The following CERS3 variants were observed in gnomAD, a reference collection of about 807,000 sequenced individuals.
CERS3 encodes ceramide synthase 3, also known as LAG1 homolog, ceramide synthase 3.
In CERS3, 33 loss-of-function variants were observed where a neutral mutation model predicts 50.3. The observed-to-expected ratio is 0.66, with a 90% CI of 0.50 to 0.88. The LOEUF is 0.88. CERS3 is among the 40% of genes least tolerant of loss of function. CERS3 has a pLI of 0.00. For missense variants in CERS3, 470 were observed against 460.3 expected (o/e 1.02, Z -0.19); for synonymous variants, 176 against 155.2 (o/e 1.13, Z -0.99).
chr15:100,468,332 AAGTGTGG>A (rs1398441079), intron 10 of CERS3, among the ~76,000 whole-genome samples: 1 of 152,184 alleles, frequency 6.6e-6, no homozygotes, highest in Non-Finnish European at 1.5e-5. Context: ...CAAAGGTCGT[AAGTGTGG>A]AGTCAGGATT....
At chr15:100,434,271 G>A (rs1163574779) in intron 11 of CERS3, among the ~76,000 whole-genome samples, 2 of 152,240 alleles carry the variant, frequency 1.3e-5, no homozygotes, top group Non-Finnish European at 2.9e-5. Flanking sequence ...CACGCGAAGA[G>A]TGCGTGCCCA....
chr15:100,470,732 G>A (rs1053109869), intron 9 of CERS3, among the ~76,000 whole-genome samples: 2 of 152,190 alleles, frequency 1.3e-5, no homozygotes, highest in Admixed American at 1.3e-4. Context: ...TATCAGTCAG[G>A]ATATTGGGTC....
intron 11 of CERS3, among the ~76,000 whole-genome samples, chr15:100,453,101 T>C (rs2142188887): frequency 8.5e-6 from 1 of 118,230 alleles, no homozygotes; most frequent in South Asian, 2.7e-4. Context: ...CTCCTTAAAC[T>C]ATTCAAAAAA....
intron 10 of CERS3, among the ~76,000 whole-genome samples, chr15:100,461,483 T>C (rs1370981248): frequency 6.6e-6 from 1 of 152,188 alleles, no homozygotes; most frequent in Non-Finnish European, 1.5e-5. Flanking sequence ...TGGGCTTCAG[T>C]TTCTTTTGTA....
intron 11 of CERS3, among the ~76,000 whole-genome samples, chr15:100,435,631 A>G (rs2033365684): frequency 6.6e-6 from 1 of 152,244 alleles, no homozygotes; most frequent in Non-Finnish European, 1.5e-5. Flanking sequence ...ATGGGATCTA[A>G]TTAAACTAAA....
At position 100,501,694 on chromosome 15, in the gene CERS3, G is replaced by A. The variant is rs761185355; in HGVS notation, c.156C>T (p.Ile52=). The change falls in exon 3 of 12, where the codon ATC becomes ATT. Residue 52 remains isoleucine (I), a synonymous_variant. Transcript: ENST00000679737. ...CTACTTACTTTTCAAATACACGTCTGATAATCAGCAAGAGAAAAGCATATG... is the reference window on the plus strand; with the variant it reads ...CTACTTACTTTTCAAATACACGTCTAATAATCAGCAAGAGAAAAGCATATG... ...TIPYAFLLLI[I]RRVFEKFVAS... is the part of the protein sequence containing the mutation. 1.1e-5 allele frequency: 17 copies of A among 1,613,156 alleles called. No homozygotes were observed. The highest frequency in any genetic ancestry group is 1.6e-4 in the Middle Eastern group (1 of 6,076).
At chr15:100,469,592 G>T in intron 9 of CERS3, 108 bp from the exon 10 acceptor site, 1 of 766,088 alleles carries the variant, frequency 1.3e-6, no homozygotes, top group South Asian at 1.8e-5. Context: ...AAAACAATCT[G>T]GGTGGAAAGT....
intron 11 of CERS3, among the ~76,000 whole-genome samples, chr15:100,422,695 A>G (rs1338089459): frequency 4.5e-5 from 4 of 88,182 alleles, no homozygotes; most frequent in Admixed American, 1.3e-4. Context: ...CAAATGTCCA[A>G]CAATGATAGA....
intron 11 of CERS3, among the ~76,000 whole-genome samples, chr15:100,419,048 A>G (rs1296993593): frequency 1.6e-5 from 2 of 125,778 alleles, no homozygotes; most frequent in Non-Finnish European, 3.4e-5. Context: ...ACCAGCTAAC[A>G]TCATAATGAC....
intron 2 of CERS3, among the ~76,000 whole-genome samples, chr15:100,518,847 A>G (rs1362307848): frequency 6.6e-6 from 1 of 152,130 alleles, no homozygotes; most frequent in African/African-American, 2.4e-5. Context: ...TTTCTGTAAG[A>G]CTTATTGGAT....
At chr15:100,417,106 G>A (rs12902994) in intron 11 of CERS3, among the ~76,000 whole-genome samples, 85,182 of 151,438 alleles carry the variant, frequency 0.56, 24,172 homozygotes, top group Non-Finnish European at 0.6. Flanking sequence ...GAACAGCTCT[G>A]GTCTACAGCT....
At chr15:100,451,714 A>G (rs533834452) in intron 11 of CERS3, among the ~76,000 whole-genome samples, 44 of 147,988 alleles carry the variant, frequency 3.0e-4, no homozygotes, top group Admixed American at 8.1e-4. Context: ...CTCAAAAAAA[A>G]CAAAAAACAA....
At chr15:100,497,882 CACACACACACACACT>C (rs1282581146) in intron 3 of CERS3, among the ~76,000 whole-genome samples, 7 of 83,508 alleles carry the variant, frequency 8.4e-5, no homozygotes, top group African/African-American at 3.0e-4. Context: ...CACACACACA[CACACACACACACACT>C]TTTTTTTTTT....
chr15:100,443,787 C>G (rs917025794), intron 11 of CERS3, among the ~76,000 whole-genome samples: 3 of 152,220 alleles, frequency 2.0e-5, no homozygotes, highest in Non-Finnish European at 4.4e-5. Context: ...TCTCTCAAAC[C>G]CCAGCACCTT....
At chr15:100,419,044 T>C (rs1337965114) in intron 11 of CERS3, among the ~76,000 whole-genome samples, 2 of 121,772 alleles carry the variant, frequency 1.6e-5, no homozygotes, top group Admixed American at 8.8e-5. Context: ...AATCACCAGC[T>C]AACATCATAA....
chr15:100,513,165 A>G (rs1282736198), intron 2 of CERS3, among the ~76,000 whole-genome samples: 1 of 152,146 alleles, frequency 6.6e-6, no homozygotes, highest in Non-Finnish European at 1.5e-5. Context: ...ACTCCACAAT[A>G]TACTGTGATC....
chr15:100,480,731 T>A lies in CERS3; in HGVS notation c.408-685A>T, dbSNP rs199551462. Reference sequence around the variant, plus strand: ...AAATCTTTTATTAAATAAAAAATCATAAGATACTGATATTGCAATTATGCT... The same window carrying A: ...AAATCTTTTATTAAATAAAAAATCAAAAGATACTGATATTGCAATTATGCT... On this transcript the variant is annotated intron_variant, in intron 5 of 11. Transcript: ENST00000679737. Among the ~76,000 whole-genome samples, 15 of 152,336 alleles carry A rather than the reference T, an allele frequency of 9.8e-5. No homozygotes were observed. The East Asian group carries it at 2.7e-3, about 27-fold the overall frequency.
intron 11 of CERS3, among the ~76,000 whole-genome samples, chr15:100,404,410 G>A (rs896341353): frequency 1.3e-5 from 2 of 152,120 alleles, no homozygotes; most frequent in Non-Finnish European, 2.9e-5. Context: ...ACCATGTATA[G>A]GATCTGTATG....
At chr15:100,526,918 C>G (rs376271845) in intron 1 of CERS3, among the ~76,000 whole-genome samples, 115 of 152,152 alleles carry the variant, frequency 7.6e-4, no homozygotes, top group African/African-American at 2.7e-3. Flanking sequence ...ACATACCCTG[C>G]CTTTTTATGT....
Sources: gnomAD v4.1 joint callset for allele counts (sites outside exome capture counted in the v4.1 genomes callset) on GRCh38, gnomAD v4.1.1 for gene constraint, MANE v1.5 for transcripts, NCBI Gene and HGNC (gene_info 2026-07-23, HGNC 2026-07-21) for gene names.